Variants in COL11A1 observed in about 807,000 individuals in gnomAD.
The protein encoded by COL11A1 is collagen alpha-1(XI) chain.
COL11A1 carries 74 observed loss-of-function variants against 265.2 expected under a neutral mutation model. The ratio of observed to expected loss-of-function variants is 0.28; its 90% CI spans 0.23 to 0.34. COL11A1 has a LOEUF of 0.34. Ranked by LOEUF, COL11A1 falls within the 10% of genes least tolerant of loss-of-function variation. The pLI, the probability that COL11A1 is intolerant of heterozygous loss-of-function variation, is 1.00. For missense variants in COL11A1, 2,165 were observed against 2,263.6 expected (o/e 0.96, Z 0.88); for synonymous variants, 816 against 727.6 (o/e 1.12, Z -1.96).
At position 103,091,990 on chromosome 1, in the gene COL11A1, CAATTCCAGGAA is replaced by C. The variant is rs1353401971; in HGVS notation, c.107-9029_107-9019del. 6.6e-5 allele frequency among the ~76,000 whole-genome samples: 10 copies of C among 152,084 alleles called. 1 individual carries two copies. In the East Asian group the frequency reaches 1.3e-3, roughly 20 times the overall value. ...GAACAAATGTAAATGTATTTTCTTA[CAATTCCAGGAA>C]AATTCCAGTTTAAAACAAAATGAAC... On this transcript the variant is annotated intron_variant, in intron 1 of 66. Transcript: ENST00000370096.
chr1:102,915,589 CA>C, intron 50 of COL11A1, 41 bp downstream of exon 50: 2 of 1,566,012 alleles, frequency 1.3e-6, no homozygotes, highest in Non-Finnish European at 1.8e-6. Flanking sequence ...AAGAAATTCC[CA>C]AACCAATAAT....
At chr1:103,003,816 T>A in intron 20 of COL11A1, among the ~76,000 whole-genome samples, 1 of 152,124 alleles carries the variant, frequency 6.6e-6, no homozygotes, top group East Asian at 1.9e-4. Flanking sequence ...TTTTTCCCCC[T>A]CCTGCACCTG....
intron 3 of COL11A1, among the ~76,000 whole-genome samples, chr1:103,075,601 G>C (rs1366494600): frequency 6.6e-6 from 1 of 152,092 alleles, no homozygotes; most frequent in African/African-American, 2.4e-5. Context: ...CTGTAAAATG[G>C]TGGGTTTTAT....
At chr1:102,976,043 T>C (rs1336756964) in intron 35 of COL11A1, among the ~76,000 whole-genome samples, 2 of 152,100 alleles carry the variant, frequency 1.3e-5, no homozygotes, top group East Asian at 3.9e-4. Flanking sequence ...TATTAAACTA[T>C]GACACTATGA....
At chr1:103,106,448 A>G (rs1571298452) in intron 1 of COL11A1, among the ~76,000 whole-genome samples, 1 of 152,292 alleles carries the variant, frequency 6.6e-6, no homozygotes, top group Middle Eastern at 3.4e-3. Flanking sequence ...GTTAAGAGGG[A>G]CTTACAGAGG....
chr1:102,876,755 G>C lies in COL11A1; in HGVS notation c.*1264C>G, dbSNP rs186386193. The C allele has an allele frequency of 3.6e-4, 55 of 152,260 alleles. No homozygotes were observed. The highest frequency in any genetic ancestry group is 4.7e-4 in the Non-Finnish European group (32 of 67,858). The allele number at this position is 152,260 out of a possible 1,614,324, so 9.4% of individuals were successfully genotyped here. A position where few individuals can be genotyped will look rare whatever the true frequency, so the allele number is the denominator to read the frequency against. On this transcript the variant is annotated 3_prime_UTR_variant, in exon 67 of 67. Coordinates refer to ENST00000370096, the MANE Select transcript of COL11A1 (RefSeq NM_001854.4). ...AAATTCAGTTTTTAATTTTTAAATT[G>C]TATTGCTATTTCAAGCTACCTTAAA...
At chr1:102,907,277 AAG>A (rs1174030399) in intron 54 of COL11A1, among the ~76,000 whole-genome samples, 1 of 152,098 alleles carries the variant, frequency 6.6e-6, no homozygotes, top group Non-Finnish European at 1.5e-5. Context: ...GTAATTTAAA[AAG>A]AGAGGATAGA....
At chr1:102,938,992 G>A (rs1355812482) in intron 44 of COL11A1, 43 bp downstream of exon 44, 1 of 1,562,540 alleles carries the variant, frequency 6.4e-7, no homozygotes, top group Non-Finnish European at 8.8e-7. Flanking sequence ...AGTAAAAGTT[G>A]TTAAATAAAT....
intron 4 of COL11A1, among the ~76,000 whole-genome samples, chr1:103,066,714 T>C (rs1438977215): frequency 6.6e-6 from 1 of 151,962 alleles, no homozygotes; most frequent in African/African-American, 2.4e-5. Context: ...AATTATGTTA[T>C]TAGTTTCATG....
intron 4 of COL11A1, among the ~76,000 whole-genome samples, chr1:103,064,247 A>G (rs1571193529): frequency 6.6e-6 from 1 of 152,318 alleles, no homozygotes; most frequent in Admixed American, 6.5e-5. Context: ...TGAAAACTGC[A>G]CATAATTATC....
At chr1:102,939,837 T>C (rs557097708) in intron 43 of COL11A1, among the ~76,000 whole-genome samples, 1 of 152,102 alleles carries the variant, frequency 6.6e-6, no homozygotes, top group Non-Finnish European at 1.5e-5. Context: ...TAAAATAATA[T>C]AATGATGTAT....
At chr1:102,917,504 C>T (rs1326117994) in intron 49 of COL11A1, among the ~76,000 whole-genome samples, 2 of 151,804 alleles carry the variant, frequency 1.3e-5, no homozygotes, top group Non-Finnish European at 3.0e-5. Context: ...TTTAATTAAA[C>T]TAAAAAGCTT....
intron 6 of COL11A1, chr1:103,025,939 T>C (rs754574067): frequency 1.9e-6 from 3 of 1,612,108 alleles, no homozygotes; most frequent in Non-Finnish European, 1.7e-6. Flanking sequence ...CTTTTTGAAA[T>C]TGGATTTCTT....
At chr1:102,913,209 AGTTT>A (rs899898557) in intron 53 of COL11A1, among the ~76,000 whole-genome samples, 1 of 150,216 alleles carries the variant, frequency 6.7e-6, no homozygotes, top group Non-Finnish European at 1.5e-5. Context: ...ATCATTCACA[AGTTT>A]TTTTTAAAAA....
chr1:103,005,593 T>C (rs1361897236), intron 18 of COL11A1, among the ~76,000 whole-genome samples: 1 of 152,158 alleles, frequency 6.6e-6, no homozygotes, highest in East Asian at 1.9e-4. Context: ...TAAATGTATA[T>C]AAAGATTCTG....
At chr1:102,922,343 G>A (rs1340232379) in intron 47 of COL11A1, among the ~76,000 whole-genome samples, 1 of 152,146 alleles carries the variant, frequency 6.6e-6, no homozygotes, top group Non-Finnish European at 1.5e-5. Context: ...ATCTGGAAAG[G>A]AACTTGCTAT....
At chr1:103,089,377 C>A (rs1673125237) in intron 1 of COL11A1, among the ~76,000 whole-genome samples, 1 of 152,128 alleles carries the variant, frequency 6.6e-6, no homozygotes, top group South Asian at 2.1e-4. Context: ...TCTTGTATTT[C>A]CCCTTAGATC....
chr1:102,897,745 C>T (rs930915970), intron 57 of COL11A1, among the ~76,000 whole-genome samples: 1 of 152,144 alleles, frequency 6.6e-6, no homozygotes, highest in East Asian at 1.9e-4. Context: ...CAATTTGTTT[C>T]GTCAAAGAAT....
In COL11A1 at chr1:102,879,734, C is replaced by G. The variant is rs370598483; in HGVS notation, c.5223G>C (p.Glu1741Asp). 2.5e-6 allele frequency: 4 copies of G among 1,613,808 alleles called. No homozygotes were observed. In the African/African-American group the frequency reaches 4.0e-5, roughly 16 times the overall value. Residue 1741 changes from glutamate (E) to aspartate (D), a missense_variant, in exon 66 of 67, where the codon GAG becomes GAC. By Grantham distance (45) the Glu-to-Asp change is conservative (BLOSUM62 2). Coordinates refer to ENST00000370096, the MANE Select transcript of COL11A1 (RefSeq NM_001854.4). ...TAAAAGGATTATTGTCATAGGACATCTCCTCATCATTTGATCCCAGGAAGC... is the reference window on the plus strand; with the variant it reads ...TAAAAGGATTATTGTCATAGGACATGTCCTCATCATTTGATCCCAGGAAGC... Reference protein sequence around the residue: ...ALRFLGSNDEEMSYDNNPFIK... With the variant: ...ALRFLGSNDEDMSYDNNPFIK...
Sources: gnomAD v4.1 joint callset for allele counts (sites outside exome capture counted in the v4.1 genomes callset) on GRCh38, gnomAD v4.1.1 for gene constraint, MANE v1.5 for transcripts, NCBI Gene and HGNC (gene_info 2026-07-23, HGNC 2026-07-21) for gene names.